MEF2D: variants seen among roughly 807,000 people sequenced by gnomAD.
The protein encoded by MEF2D is myocyte enhancer factor 2D, also known as myocyte-specific enhancer factor 2D.
A neutral mutation model predicts 59.3 loss-of-function variants in MEF2D; 10 were observed. The observed-to-expected ratio is 0.17, with a 90% CI of 0.10 to 0.29. The LOEUF (loss-of-function observed/expected upper bound fraction) is 0.29, where lower values mean the gene tolerates loss of function less well. Ranked by LOEUF, MEF2D falls within the 10% of genes least tolerant of loss-of-function variation. MEF2D has a pLI of 1.00. For missense variants in MEF2D, 508 were observed against 699.4 expected (o/e 0.73, Z 3.09); for synonymous variants, 305 against 295.0 (o/e 1.03, Z -0.35).
chr1:156,499,994 A>C (rs1571285253), intron 1 of MEF2D, among the ~76,000 whole-genome samples: 1 of 138,120 alleles, frequency 7.2e-6, no homozygotes, highest in Non-Finnish European at 1.6e-5. Context: ...CCCCGCCTCC[A>C]CCCTCCCGCC....
chr1:156,468,857 C>T lies in MEF2D; in HGVS notation c.1170G>A (p.Gln390=). The stretch of plus-strand genomic sequence containing the variant: ...GTTGCGGCTGCTGAGGCTGCTGTGG[C>T]TGTGGCTGCTGTGGCTGCGGTGGCT... The part of the protein sequence containing the change: ...QQQPPQPQQP[Q]PQQPQQPQQP... Residue 390 remains glutamine (Q), a synonymous_variant, in exon 10 of 12, where the codon CAG becomes CAA. Coordinates refer to ENST00000348159, the MANE Select transcript of MEF2D (RefSeq NM_005920.4). The surrounding 1 kb of genome is among the most constrained non-coding windows in gnomAD (Gnocchi z 4.3). The T allele has an allele frequency of 6.2e-7, 1 of 1,608,192 alleles. No individual in the cohort carries two copies. The highest frequency in any genetic ancestry group is 2.2e-5 in the East Asian group (1 of 44,886).
In MEF2D at chr1:156,476,798, C is replaced by CT. The variant is rs111283426; in HGVS notation, c.855+213dup. 9.4e-3 allele frequency: 6,237 copies of CT among 660,512 alleles called. 301 individuals carry two copies. The African/African-American group carries it at 0.099, about 11-fold the overall frequency. 40.9% of individuals were successfully genotyped at this position (660,512 alleles called of 1,614,324 possible). A position where few individuals can be genotyped will look rare whatever the true frequency, so the allele number is the denominator to read the frequency against. On this transcript the variant is annotated intron_variant, in intron 7 of 11. Transcript: ENST00000348159. ...ACCACTTCTCTCTCACCTCCTGCCC[C>CT]TTTTTACTGCCTTAGGCTGGTACTT...
intron 1 of MEF2D, among the ~76,000 whole-genome samples, chr1:156,491,376 G>A (rs1217406254): frequency 1.3e-5 from 2 of 152,236 alleles, no homozygotes; most frequent in Non-Finnish European, 2.9e-5. Flanking sequence ...TCAGAATTGT[G>A]TAAGTCACGG....
At chr1:156,474,999 G>A (rs1281057350) in intron 9 of MEF2D, 109 bp downstream of exon 9, 10 of 1,503,738 alleles carry the variant, frequency 6.7e-6, no homozygotes, top group Non-Finnish European at 9.0e-6. Flanking sequence ...CCCCAAATCA[G>A]TAGCCCTCCT....
chr1:156,476,571 A>C lies in MEF2D; in HGVS notation c.856-57T>G, dbSNP rs562289127. 56 of 1,589,706 alleles carry C rather than the reference A, an allele frequency of 3.5e-5. 1 individual carries two copies. In the South Asian group the frequency reaches 5.7e-4, roughly 16 times the overall value. ...CAGTCTCTGGCCGCTGCCCTCCCCC[A>C]CACCTCTGTCCCCACAGCTGTTCCA... On this transcript the variant is annotated intron_variant, in intron 7 of 11. Coordinates refer to ENST00000348159, the MANE Select transcript of MEF2D (RefSeq NM_005920.4).
intron 4 of MEF2D, among the ~76,000 whole-genome samples, chr1:156,480,383 T>C (rs1031831979): frequency 1.3e-5 from 2 of 152,168 alleles, no homozygotes; most frequent in African/African-American, 4.8e-5. Context: ...CACTCCACTT[T>C]GCTGTCCTCT....
rs372092331 is a variant in MEF2D at position 156,495,762 on chromosome 1, C to CAAAAAAAAAAAAAAA, written c.-139+4709_-139+4723dup. Among the ~76,000 whole-genome samples, 197 of 77,978 alleles carry CAAAAAAAAAAAAAAA rather than the reference C, an allele frequency of 2.5e-3. 38 individuals are homozygous for CAAAAAAAAAAAAAAA. Among genetic ancestry groups the CAAAAAAAAAAAAAAA allele is most frequent in the African/African-American group, 7.0e-3 (130 of 18,658 alleles). The allele number at this position is 77,978 out of a possible 152,430, so 51.2% of individuals were successfully genotyped here. A position where few individuals can be genotyped will look rare whatever the true frequency, so the allele number is the denominator to read the frequency against. ...GGGTAAAGCTCCTTTGACCAGGGGG[C>CAAAAAAAAAAAAAAA]AAAAAAAAAAAAAAAAGCTCCCTCT... On this transcript the variant is annotated intron_variant, in intron 1 of 11. Transcript: ENST00000348159.
intron 9 of MEF2D, among the ~76,000 whole-genome samples, chr1:156,473,711 C>T (rs558315019): frequency 9.8e-4 from 150 of 152,308 alleles, no homozygotes; most frequent in Non-Finnish European, 1.8e-3. Flanking sequence ...GGACAGCCCG[C>T]GCACTGGGTG....
Position 156,468,777 on chromosome 1 carries a change from C to T in MEF2D, c.1247+3G>A, listed in dbSNP as rs1416905457. 6.2e-7 allele frequency: 1 copy of T among 1,609,468 alleles called. No homozygotes were observed. The highest frequency in any genetic ancestry group is 1.3e-5 in the African/African-American group (1 of 74,842). ...ACTCACATGCAGTCTCCCCAGGACTCACATGAGGTTGCTGAGAGATACAGG... is the reference window on the plus strand; with the variant it reads ...ACTCACATGCAGTCTCCCCAGGACTTACATGAGGTTGCTGAGAGATACAGG... On this transcript the variant is annotated splice_donor_region_variant and intron_variant, in intron 10 of 11. Coordinates refer to ENST00000348159, the MANE Select transcript of MEF2D (RefSeq NM_005920.4). This position sits in a 1 kb window ranked among gnomAD's most constrained non-coding sequence, Gnocchi z 4.3.
Position 156,480,901 on chromosome 1 carries a change from C to T in MEF2D, c.329G>A (p.Ser110Asn), listed in dbSNP as rs749923841. 6.2e-7 allele frequency: 1 copy of T among 1,610,978 alleles called. No homozygotes were observed. Among genetic ancestry groups the T allele is most frequent in the Admixed American group, 1.7e-5 (1 of 59,742 alleles). ...TCGGTACTTGTCCTCCAGCAGGGGG[C>T]TCTGTTCCAGCGAGTCCTCCCCGTC... is the stretch of plus-strand genomic sequence containing the variant. The part of the protein sequence containing the change: ...EPDGEDSLEQ[S>N]PLLEDKYRRA... Residue 110 changes from serine to asparagine, a missense_variant, in exon 4 of 12, where the codon AGC (serine) becomes AAC (asparagine). Ser to Asn is a conservative substitution (Grantham distance 46). This residue lies in a region of MEF2D where 481 missense variants were observed against 584.7 expected (regional missense o/e 0.82). Transcript: ENST00000348159.
chr1:156,476,397 G>A, intron 8 of MEF2D, 97 bp downstream of exon 8: 1 of 1,401,824 alleles, frequency 7.1e-7, no homozygotes, highest in South Asian at 1.2e-5. Context: ...TCACGCACAG[G>A]CGAGAGGCCA....
Position 156,480,845 on chromosome 1 carries a change from G to C in MEF2D, c.385C>G (p.Arg129Gly). 2 of 1,594,704 alleles carry C rather than the reference G, an allele frequency of 1.3e-6. No individual in the cohort carries two copies. The highest frequency in any genetic ancestry group is 2.2e-5 in the East Asian group (1 of 44,802). The part of the protein sequence containing the change: ...RASEELDGLF[R>G]RYGSTVPAPN... ...TGAGTGGGGCTCACCCCATAGCGCC[G>C]GAAGAGCCCGTCGAGCTCCTCGCTG... Residue 129 changes from arginine to glycine, a missense_variant, in exon 4 of 12, where the codon CGG becomes GGG. This residue lies in a region of MEF2D where 481 missense variants were observed against 584.7 expected (regional missense o/e 0.82). Transcript: ENST00000348159.
intron 1 of MEF2D, among the ~76,000 whole-genome samples, chr1:156,489,219 G>A (rs576876572): frequency 2.5e-4 from 38 of 152,308 alleles, no homozygotes; most frequent in African/African-American, 8.9e-4. Context: ...GGAGGCGCTG[G>A]AGACAGCTGT....
At chr1:156,476,312 C>G (rs960409534) in intron 8 of MEF2D, among the ~76,000 whole-genome samples, 182 bp downstream of exon 8, 3 of 152,224 alleles carry the variant, frequency 2.0e-5, no homozygotes, top group African/African-American at 7.2e-5. Context: ...CTCTCACCCC[C>G]ACCCCATTCA....
intron 1 of MEF2D, among the ~76,000 whole-genome samples, chr1:156,483,774 T>C (rs963147750): frequency 6.6e-6 from 1 of 152,214 alleles, no homozygotes; most frequent in African/African-American, 2.4e-5. Flanking sequence ...ACCTGGGTGC[T>C]CCAGCTGCTC....
At chr1:156,480,797 AG>A (rs745744915) in intron 4 of MEF2D, 36 bp downstream of exon 4, 16 of 1,589,590 alleles carry the variant, frequency 1.0e-5, no homozygotes, top group South Asian at 5.7e-5. Flanking sequence ...AGGGGCCGGA[AG>A]GGGGGGCCAA....
intron 1 of MEF2D, among the ~76,000 whole-genome samples, chr1:156,491,640 A>G (rs1448657950): frequency 6.6e-6 from 1 of 152,218 alleles, no homozygotes; most frequent in Middle Eastern, 3.2e-3. Flanking sequence ...AATGCCTATC[A>G]GACCCACCTG....
rs747142931 is a variant in MEF2D at position 156,476,509 on chromosome 1, C to T, written c.861G>A (p.Glu287=). The part of the protein sequence containing the change: ...AGKGLMHHLT[E]DHLDLNNAQR... ...CCTCACTTACCAGATCTAAATGGTC[C>T]TCAGTCTGAGAGCAGAAATAAAACC... is the stretch of plus-strand genomic sequence containing the variant. Residue 287 remains glutamate (E), a synonymous_variant, in exon 8 of 12, where the codon GAG becomes GAA. Transcript: ENST00000348159. 1 of 1,611,810 alleles carries T rather than the reference C, an allele frequency of 6.2e-7. No homozygotes were observed.
chr1:156,480,738 C>G (rs779034442), intron 4 of MEF2D, 96 bp downstream of exon 4: 6 of 1,611,750 alleles, frequency 3.7e-6, no homozygotes, highest in Non-Finnish European at 5.1e-6. Flanking sequence ...ACCTCGTCCA[C>G]CTCAGGGCTC....
Sources: gnomAD v4.1 joint callset for allele counts (sites outside exome capture counted in the v4.1 genomes callset) on GRCh38, gnomAD v4.1.1 for gene constraint, gnomAD v4.1.1 regional missense constraint, Gnocchi (gnomAD v3.1) non-coding constraint, MANE v1.5 for transcripts, NCBI Gene and HGNC (gene_info 2026-07-23, HGNC 2026-07-21) for gene names.